The following MAP4K5 variants were observed in gnomAD, a reference collection of about 807,000 sequenced individuals.
The protein encoded by MAP4K5 is MAPK/ERK kinase kinase kinase 5.
A neutral mutation model predicts 135.6 loss-of-function variants in MAP4K5; 82 were observed. The ratio of observed to expected loss-of-function variants is 0.60; its 90% CI spans 0.51 to 0.73. MAP4K5 has a LOEUF of 0.73. Ranked by LOEUF, MAP4K5 falls within the 30% of genes least tolerant of loss-of-function variation. MAP4K5 has a pLI of 0.00. For synonymous variants in MAP4K5, 347 were observed against 335.0 expected (o/e 1.04, Z -0.39); for missense variants, 907 against 1,010.9 (o/e 0.90, Z 1.39).
chr14:50,556,901 G>T (rs1376219775), intron 1 of MAP4K5, among the ~76,000 whole-genome samples: 2 of 152,002 alleles, frequency 1.3e-5, no homozygotes, highest in South Asian at 2.1e-4. Context: ...CTAGTTATTT[G>T]GCACTGGGAT....
intron 2 of MAP4K5, among the ~76,000 whole-genome samples, chr14:50,507,315 C>T (rs1056274435): frequency 5.9e-5 from 9 of 152,166 alleles, no homozygotes; most frequent in Non-Finnish European, 8.8e-5. Context: ...CCTGGATTCA[C>T]TGATTTTTTG....
chr14:50,551,465 A>C (rs111302297), intron 1 of MAP4K5, among the ~76,000 whole-genome samples: 1 of 152,196 alleles, frequency 6.6e-6, no homozygotes, highest in African/African-American at 2.4e-5. Context: ...AATTGGTACC[A>C]ATTCTACTGA....
At chr14:50,548,407 AG>A (rs2038661298) in intron 1 of MAP4K5, among the ~76,000 whole-genome samples, 1 of 152,202 alleles carries the variant, frequency 6.6e-6, no homozygotes, top group Admixed American at 6.5e-5. Flanking sequence ...CCACTGCCAC[AG>A]GATCCTTTTG....
At chr14:50,482,500 C>A (rs1266794814) in intron 5 of MAP4K5, 84 bp from the exon 6 acceptor site, 7 of 936,756 alleles carry the variant, frequency 7.5e-6, no homozygotes, top group Admixed American at 3.1e-5. Context: ...CAAACTAGGC[C>A]AAGCGCAGTG....
intron 2 of MAP4K5, among the ~76,000 whole-genome samples, chr14:50,524,596 A>G (rs191977870): frequency 2.5e-3 from 368 of 150,130 alleles, no homozygotes; most frequent in African/African-American, 8.2e-3. Context: ...ACCTACTCTA[A>G]GGGACAGAAA....
At chr14:50,553,200 G>A (rs2038724197) in intron 1 of MAP4K5, among the ~76,000 whole-genome samples, 1 of 151,366 alleles carries the variant, frequency 6.6e-6, no homozygotes, top group Non-Finnish European at 1.5e-5. Context: ...GGAGGCTGAA[G>A]CAGGAGAATG....
intron 2 of MAP4K5, among the ~76,000 whole-genome samples, chr14:50,512,335 G>T (rs1033797000): frequency 6.6e-6 from 1 of 151,970 alleles, no homozygotes; most frequent in Admixed American, 6.6e-5. Context: ...GAGCCAAAAA[G>T]AAAAGGAAGG....
At chr14:50,444,793 C>A (rs983105092) in intron 18 of MAP4K5, among the ~76,000 whole-genome samples, 28 of 152,044 alleles carry the variant, frequency 1.8e-4, no homozygotes, top group African/African-American at 6.0e-4. Context: ...CCTTCTAGAT[C>A]CTATAATAAA....
chr14:50,531,284 C>A (rs1325847736), intron 2 of MAP4K5, among the ~76,000 whole-genome samples: 1 of 152,164 alleles, frequency 6.6e-6, no homozygotes, highest in African/African-American at 2.4e-5. Flanking sequence ...ACAAAGACAG[C>A]GGCTCATATC....
intron 28 of MAP4K5, 74 bp downstream of exon 28, chr14:50,434,319 TC>T (rs2036040561): frequency 1.7e-6 from 2 of 1,174,860 alleles, no homozygotes; most frequent in African/African-American, 3.1e-5. Flanking sequence ...GTGTTTTGCT[TC>T]TTTTATAGGT....
At chr14:50,474,536 T>C (rs965357665) in intron 9 of MAP4K5, among the ~76,000 whole-genome samples, 1 of 151,880 alleles carries the variant, frequency 6.6e-6, no homozygotes, top group African/African-American at 2.4e-5. Context: ...AGAAAGATTA[T>C]TTTGTCAGTA....
At chr14:50,507,919 C>T (rs2037847327) in intron 2 of MAP4K5, among the ~76,000 whole-genome samples, 1 of 152,050 alleles carries the variant, frequency 6.6e-6, no homozygotes, top group African/African-American at 2.4e-5. Context: ...CTTTCTGTCT[C>T]GTTGATCTGT....
chr14:50,484,751 C>A (rs1420215003), intron 5 of MAP4K5, among the ~76,000 whole-genome samples: 1 of 152,102 alleles, frequency 6.6e-6, no homozygotes, highest in Non-Finnish European at 1.5e-5. Flanking sequence ...GTAGTTACAA[C>A]CTATTATTTG....
At chr14:50,475,048 G>A in intron 9 of MAP4K5, 29 bp downstream of exon 9, 1 of 1,566,956 alleles carries the variant, frequency 6.4e-7, no homozygotes, top group Non-Finnish European at 8.8e-7. Context: ...AATGAAAATG[G>A]ATCAAATTCA....
chr14:50,452,832 A>G (rs994678093), intron 14 of MAP4K5, among the ~76,000 whole-genome samples: 8 of 152,222 alleles, frequency 5.3e-5, no homozygotes, highest in South Asian at 2.1e-4. Flanking sequence ...CAAAAAGAAG[A>G]GGGCTTCCAC....
Position 50,524,619 on chromosome 14 carries a change from G to A in MAP4K5, c.108+7323C>T, listed in dbSNP as rs541226926. 1.4e-4 allele frequency among the ~76,000 whole-genome samples: 21 copies of A among 152,022 alleles called. No individual in the cohort carries two copies. The South Asian group carries it at 4.0e-3, about 29-fold the overall frequency. ...TAAGGGACAGAAAAGCCCCCCCACCGAGAAATGTAATGTTTAAACAGAAAC... is the reference window on the plus strand; with the variant it reads ...TAAGGGACAGAAAAGCCCCCCCACCAAGAAATGTAATGTTTAAACAGAAAC... On this transcript the variant is annotated intron_variant, in intron 2 of 32. Coordinates refer to ENST00000682126, the MANE Select transcript of MAP4K5 (RefSeq NM_006575.6).
chr14:50,505,512 C>G (rs2037791623), intron 2 of MAP4K5, among the ~76,000 whole-genome samples: 1 of 152,134 alleles, frequency 6.6e-6, no homozygotes, highest in Non-Finnish European at 1.5e-5. Flanking sequence ...AGTTAAATGT[C>G]TAGAAGAGAA....
At chr14:50,515,033 A>G (rs1450649643) in intron 2 of MAP4K5, among the ~76,000 whole-genome samples, 1 of 152,032 alleles carries the variant, frequency 6.6e-6, no homozygotes, top group East Asian at 1.9e-4. Flanking sequence ...CCTCCCGAGT[A>G]GCTGGGACTA....
At chr14:50,424,363 G>C (rs531750752) in intron 31 of MAP4K5, among the ~76,000 whole-genome samples, 1 of 152,186 alleles carries the variant, frequency 6.6e-6, no homozygotes, top group African/African-American at 2.4e-5. Context: ...CAAGACTTTA[G>C]CTAGGCCCAA....
Sources: allele counts gnomAD v4.1 joint callset (sites outside exome capture counted in the v4.1 genomes callset), GRCh38; gene constraint gnomAD v4.1.1; transcripts MANE v1.5; gene names NCBI Gene and HGNC (gene_info 2026-07-23, HGNC 2026-07-21).